The following KCNA2 variants were observed in gnomAD, a reference collection of about 807,000 sequenced individuals.
KCNA2 encodes the protein potassium voltage-gated channel subfamily A member 2.
A neutral mutation model predicts 33.4 loss-of-function variants in KCNA2; 11 were observed. The ratio of observed to expected loss-of-function variants is 0.33; its 90% CI spans 0.21 to 0.55. The LOEUF (loss-of-function observed/expected upper bound fraction) is 0.55, where lower values mean the gene tolerates loss of function less well. KCNA2 is among the 20% of genes least tolerant of loss of function. KCNA2 has a pLI of 0.93. For missense variants in KCNA2, 291 were observed against 621.6 expected, an observed-to-expected ratio of 0.47 and a Z score of 5.66; for synonymous variants, 222 against 231.3, an observed-to-expected ratio of 0.96 and a Z score of 0.37.
chr1:110,626,378 G>C (rs1267866822), intron 1 of KCNA2, among the ~76,000 whole-genome samples: 1 of 151,844 alleles, frequency 6.6e-6, no homozygotes, highest in Non-Finnish European at 1.5e-5. Flanking sequence ...TGCTACTTTT[G>C]AGTACAAAAA....
Position 110,594,040 on chromosome 1 carries a change from A to T in KCNA2, c.*9243T>A. The T allele has an allele frequency of 6.6e-7, 1 of 1,519,730 alleles. No homozygotes were observed. Among genetic ancestry groups the T allele is most frequent in the Non-Finnish European group, 8.8e-7 (1 of 1,134,348 alleles). 94.1% of individuals were successfully genotyped at this position (1,519,730 alleles called of 1,614,324 possible). On this transcript the variant is annotated 3_prime_UTR_variant, in exon 3 of 3. Transcript: ENST00000316361. ...CATTGGTCCCCAGCCTCTTATCACC[A>T]TGGAGACCCCAGTTCCCTTTCGGCA... is the stretch of plus-strand genomic sequence containing the variant.
chr1:110,610,409 C>T (rs997124120), upstream of KCNA2, among the ~76,000 whole-genome samples: 2 of 152,230 alleles, frequency 1.3e-5, no homozygotes, highest in Non-Finnish European at 2.9e-5. Flanking sequence ...GCCCATCCAC[C>T]CATGTGCTGG....
At chr1:110,619,035 A>G (rs756591241) in intron 1 of KCNA2, among the ~76,000 whole-genome samples, 4 of 152,148 alleles carry the variant, frequency 2.6e-5, no homozygotes, top group African/African-American at 9.7e-5. Flanking sequence ...TACTCTCAGA[A>G]CTAAGCCTGA....
Position 110,600,663 on chromosome 1 carries a change from C to T in KCNA2, c.*2620G>A. The T allele has an allele frequency of 2.0e-6, 2 of 985,372 alleles. No homozygotes were observed. Among genetic ancestry groups the T allele is most frequent in the Non-Finnish European group, 2.4e-6 (2 of 829,926 alleles). 61.0% of individuals were successfully genotyped at this position (985,372 alleles called of 1,614,324 possible). On this transcript the variant is annotated 3_prime_UTR_variant, in exon 3 of 3. Coordinates refer to ENST00000316361, the MANE Select transcript of KCNA2 (RefSeq NM_004974.4). The stretch of plus-strand genomic sequence containing the variant: ...AAGGACACTGTGATAAGATATCTAT[C>T]CCTGACCTAGGCCTCAGATATGGGT...
At position 110,601,766 on chromosome 1, in the gene KCNA2, T is replaced by C; in HGVS notation, c.*1517A>G. On this transcript the variant is annotated 3_prime_UTR_variant, in exon 3 of 3. Transcript: ENST00000316361. ...AGTGGATTTGCTCCTGAACCTGAAC[T>C]CCAGAAAATGAATATATATATATAT... 8.4e-7 allele frequency: 1 copy of C among 1,191,500 alleles called. No homozygotes were observed. Among genetic ancestry groups the C allele is most frequent in the East Asian group, 3.7e-5 (1 of 27,088 alleles). 73.8% of individuals were successfully genotyped at this position (1,191,500 alleles called of 1,614,324 possible).
At chr1:110,622,133 A>T (rs1475011930) in intron 1 of KCNA2, among the ~76,000 whole-genome samples, 1 of 152,204 alleles carries the variant, frequency 6.6e-6, no homozygotes, top group African/African-American at 2.4e-5. Flanking sequence ...CAAAATAATA[A>T]GAAAAGAATA....
upstream of KCNA2, chr1:110,607,574 T>G (rs1440419037): frequency 6.6e-6 from 1 of 151,962 alleles, no homozygotes; most frequent in Non-Finnish European, 1.5e-5. Flanking sequence ...GAGGAAAACA[T>G]TCTTTGGCAG....
At chr1:110,613,920 A>T (rs1649967925) in intron 1 of KCNA2, among the ~76,000 whole-genome samples, 1 of 152,076 alleles carries the variant, frequency 6.6e-6, no homozygotes, top group Non-Finnish European at 1.5e-5. Context: ...TCTGTGCTTT[A>T]AGCTCTCCTA....
In KCNA2 at chr1:110,604,902, AGC is replaced by A; in HGVS notation, c.-122_-121del. 1.1e-5 allele frequency: 10 copies of A among 901,106 alleles called. No individual in the cohort carries two copies. Among genetic ancestry groups the A allele is most frequent in the Non-Finnish European group, 1.2e-5 (7 of 579,714 alleles). The allele number at this position is 901,106 out of a possible 1,614,324, so 55.8% of individuals were successfully genotyped here. A position where few individuals can be genotyped will look rare whatever the true frequency, so the allele number is the denominator to read the frequency against. On this transcript the variant is annotated 5_prime_UTR_variant, in exon 3 of 3. Coordinates refer to ENST00000316361, the MANE Select transcript of KCNA2 (RefSeq NM_004974.4). The surrounding 1 kb of genome is among the most constrained non-coding windows in gnomAD (Gnocchi z 7.6). Reference sequence around the variant, plus strand: ...GCATTGGCCTGGTCTCCTGCAGGAGAGCCCCGAGAGCTCTCTGAGAGCTGGAG... The same window carrying A: ...GCATTGGCCTGGTCTCCTGCAGGAGACCCGAGAGCTCTCTGAGAGCTGGAG...
chr1:110,621,217 G>A (rs1650250364), intron 1 of KCNA2, among the ~76,000 whole-genome samples: 1 of 152,118 alleles, frequency 6.6e-6, no homozygotes, highest in African/African-American at 2.4e-5. Context: ...ATTTTTAACG[G>A]TTTCCATAAA....
chr1:110,627,953 G>A (rs1322403794), intron 1 of KCNA2, among the ~76,000 whole-genome samples: 1 of 152,154 alleles, frequency 6.6e-6, no homozygotes, highest in Non-Finnish European at 1.5e-5. Context: ...GGTACTGAAA[G>A]TAGTGCAATG....
chr1:110,600,642 A>G lies in KCNA2; in HGVS notation c.*2641T>C. On this transcript the variant is annotated 3_prime_UTR_variant, in exon 3 of 3. Coordinates refer to ENST00000316361, the MANE Select transcript of KCNA2 (RefSeq NM_004974.4). ...AACATTTTAGAGTCCTGGGCCAAGG[A>G]CACTGTGATAAGATATCTATCCCTG... 2 of 985,340 alleles carry G rather than the reference A, an allele frequency of 2.0e-6. No homozygotes were observed. The highest frequency in any genetic ancestry group is 2.4e-6 in the Non-Finnish European group (2 of 829,918). 61.0% of individuals were successfully genotyped at this position (985,340 alleles called of 1,614,324 possible).
chr1:110,602,307 A>G lies in KCNA2; in HGVS notation c.*976T>C, dbSNP rs1423174457. The G allele has an allele frequency of 1.4e-6, 2 of 1,462,436 alleles. No individual in the cohort carries two copies. The highest frequency in any genetic ancestry group is 9.0e-7 in the Non-Finnish European group (1 of 1,113,166). 90.6% of individuals were successfully genotyped at this position (1,462,436 alleles called of 1,614,324 possible). A position where few individuals can be genotyped will look rare whatever the true frequency, so the allele number is the denominator to read the frequency against. ...AAAACCCCTAGTTCAAGACCATTCCAAGCCTATTAATACTCTAAATATTAA... is the reference window on the plus strand; with the variant it reads ...AAAACCCCTAGTTCAAGACCATTCCGAGCCTATTAATACTCTAAATATTAA... On this transcript the variant is annotated 3_prime_UTR_variant, in exon 3 of 3. Transcript: ENST00000316361.
Position 110,601,743 on chromosome 1 carries a change from T to A in KCNA2, c.*1540A>T. Reference sequence around the variant, plus strand: ...CTTAGACAGCCAACCCACCAAGCAGTGGATTTGCTCCTGAACCTGAACTCC... The same window carrying A: ...CTTAGACAGCCAACCCACCAAGCAGAGGATTTGCTCCTGAACCTGAACTCC... On this transcript the variant is annotated 3_prime_UTR_variant, in exon 3 of 3. Coordinates refer to ENST00000316361, the MANE Select transcript of KCNA2 (RefSeq NM_004974.4). 1 of 1,183,082 alleles carries A rather than the reference T, an allele frequency of 8.5e-7. No homozygotes were observed. Among genetic ancestry groups the A allele is most frequent in the Non-Finnish European group, 1.0e-6 (1 of 959,508 alleles). 73.3% of individuals were successfully genotyped at this position (1,183,082 alleles called of 1,614,324 possible).
Position 110,603,703 on chromosome 1 carries a change from G to A in KCNA2, c.1080C>T (p.Ser360=), listed in dbSNP as rs1347753369. ...CTGCCCACCAGAAGGCATCTGGGAT[G>A]CTGGGGAACTGGGACTCTCGCTCAT... The part of the protein sequence containing the change: ...EADERESQFP[S]IPDAFWWAVV... Residue 360 remains serine (S), a synonymous_variant, in exon 3 of 3, where the codon AGC becomes AGT. Coordinates refer to ENST00000316361, the MANE Select transcript of KCNA2 (RefSeq NM_004974.4). The surrounding 1 kb of genome is among the most constrained non-coding windows in gnomAD (Gnocchi z 5.7). The A allele has an allele frequency of 6.2e-7, 1 of 1,614,098 alleles. No homozygotes were observed. The highest frequency in any genetic ancestry group is 8.5e-7 in the Non-Finnish European group (1 of 1,180,034).
intron 1 of KCNA2, among the ~76,000 whole-genome samples, chr1:110,628,809 C>T (rs757236085): frequency 6.6e-6 from 1 of 152,144 alleles, no homozygotes; most frequent in African/African-American, 2.4e-5. Context: ...AGGCCTCTCT[C>T]CCCCAACCAG....
chr1:110,611,600 C>A (rs1649874708), intron 1 of KCNA2, among the ~76,000 whole-genome samples: 5 of 151,808 alleles, frequency 3.3e-5, no homozygotes, highest in African/African-American at 1.2e-4. Context: ...ATAGCATGTC[C>A]CTGTAGTTCC....
intron 1 of KCNA2, among the ~76,000 whole-genome samples, chr1:110,616,789 G>A (rs1183175852): frequency 2.0e-5 from 3 of 152,218 alleles, no homozygotes; most frequent in Non-Finnish European, 2.9e-5. Flanking sequence ...ACCAGGCATC[G>A]AGCCAAGCAC....
chr1:110,616,661 C>T (rs1650076913), intron 1 of KCNA2, among the ~76,000 whole-genome samples: 1 of 152,182 alleles, frequency 6.6e-6, no homozygotes, highest in South Asian at 2.1e-4. Flanking sequence ...CACTCCCATT[C>T]AACAGTTACA....
Sources: gnomAD v4.1 joint callset for allele counts (sites outside exome capture counted in the v4.1 genomes callset) on GRCh38, gnomAD v4.1.1 for gene constraint, Gnocchi (gnomAD v3.1) non-coding constraint, MANE v1.5 for transcripts, NCBI Gene and HGNC (gene_info 2026-07-23, HGNC 2026-07-21) for gene names.